The following JADE3 variants were observed in gnomAD, a reference collection of about 807,000 sequenced individuals.
JADE3 encodes the protein protein Jade-3.
In JADE3, 2 loss-of-function variants were observed where a neutral mutation model predicts 50.1. The observed-to-expected ratio is 0.04, with a 90% CI of 0.02 to 0.13. JADE3 has a LOEUF of 0.13. Ranked by LOEUF, JADE3 falls within the 10% of genes least tolerant of loss-of-function variation. JADE3 has a pLI of 1.00. For synonymous variants in JADE3, 218 were observed against 232.9 expected, an observed-to-expected ratio of 0.94 and a Z score of 0.58; for missense variants, 475 against 634.4, an observed-to-expected ratio of 0.75 and a Z score of 2.70.
intron 8 of JADE3, among the ~76,000 whole-genome samples, chrX:47,048,761 T>C (rs1330437724): frequency 8.9e-6 from 1 of 111,874 alleles, no homozygotes; most frequent in Non-Finnish European, 1.9e-5. Flanking sequence ...GTAGTGGCAA[T>C]GGTTGCATGA....
At chrX:47,010,559 T>A (rs1556361369) in intron 4 of JADE3, among the ~76,000 whole-genome samples, 1 of 112,264 alleles carries the variant, frequency 8.9e-6, no homozygotes. Context: ...ACCATAAAAT[T>A]CACCCTTTTA....
rs782505786 is a variant in JADE3, at chrX:46,973,176, A to T, written c.-11-11708A>T. On this transcript the variant is annotated intron_variant, in intron 1 of 10. Coordinates refer to ENST00000614628, the MANE Select transcript of JADE3 (RefSeq NM_014735.5). ...ACAAGTCTTTATATTAAAGAGGGTAAGCCTGGTTCCTGGTGACAGAGATAA... is the reference window on the plus strand; with the variant it reads ...ACAAGTCTTTATATTAAAGAGGGTATGCCTGGTTCCTGGTGACAGAGATAA... 7.4e-4 allele frequency among the ~76,000 whole-genome samples: 83 copies of T among 112,713 alleles called. 1 individual carries two copies. Among genetic ancestry groups the T allele is most frequent in the Admixed American group, 5.4e-3 (58 of 10,684 alleles).
At chrX:46,995,941 T>A (rs1928118825) in intron 3 of JADE3, among the ~76,000 whole-genome samples, 1 of 112,496 alleles carries the variant, frequency 8.9e-6, no homozygotes, top group Admixed American at 9.4e-5. Context: ...GAAGGAAAAA[T>A]TATAATAGTC....
intron 5 of JADE3, 59 bp downstream of exon 5, chrX:47,024,973 C>G (rs1466565885): frequency 1.6e-6 from 1 of 625,123 alleles, no homozygotes; most frequent in Non-Finnish European, 2.4e-6. Flanking sequence ...TTTAAGTTAT[C>G]AGAACCCTTT....
At chrX:46,921,454 TC>T (rs1556337734) in intron 1 of JADE3, among the ~76,000 whole-genome samples, 1 of 111,411 alleles carries the variant, frequency 9.0e-6, no homozygotes, top group African/African-American at 3.3e-5. Flanking sequence ...TGGAAAGCAT[TC>T]CATCTCTCAC....
intron 8 of JADE3, among the ~76,000 whole-genome samples, chrX:47,051,387 A>G (rs1176103695): frequency 1.8e-5 from 2 of 112,390 alleles, no homozygotes; most frequent in East Asian, 2.8e-4. Flanking sequence ...CATATGTAAG[A>G]ATTAACACTT....
At chrX:46,972,335 A>G (rs1927516579) in intron 1 of JADE3, among the ~76,000 whole-genome samples, 1 of 110,452 alleles carries the variant, frequency 9.1e-6, no homozygotes, top group East Asian at 2.9e-4. Flanking sequence ...AGCTGGGATT[A>G]TAGGCATTCA....
At chrX:46,979,205 G>A (rs1238060011) in intron 1 of JADE3, among the ~76,000 whole-genome samples, 1 of 112,266 alleles carries the variant, frequency 8.9e-6, no homozygotes, top group African/African-American at 3.2e-5. Flanking sequence ...AGTTGTTACT[G>A]TAATTGTTTT....
At chrX:46,987,159 G>C (rs1263068275) in intron 3 of JADE3, among the ~76,000 whole-genome samples, 2 of 112,275 alleles carry the variant, frequency 1.8e-5, no homozygotes, top group Non-Finnish European at 3.8e-5. Context: ...AAGGACTGAG[G>C]TTTCTGTTTT....
chrX:46,919,363 A>G (rs782401460), intron 1 of JADE3, among the ~76,000 whole-genome samples: 1 of 112,591 alleles, frequency 8.9e-6, no homozygotes, highest in South Asian at 3.6e-4. Flanking sequence ...CACTTAAGAG[A>G]TGAAAGAAAC....
chrX:47,032,941 C>G (rs1929052558), intron 6 of JADE3, among the ~76,000 whole-genome samples: 3 of 111,440 alleles, frequency 2.7e-5, no homozygotes. Context: ...AAAAGGGAGT[C>G]TAGAATGTTT....
intron 4 of JADE3, among the ~76,000 whole-genome samples, chrX:47,017,835 G>A (rs782116460): frequency 2.7e-5 from 3 of 111,534 alleles, no homozygotes; most frequent in Non-Finnish European, 5.6e-5. Context: ...ATATACAACT[G>A]TCAATTCAAC....
chrX:46,994,524 C>G (rs781880054), intron 3 of JADE3, among the ~76,000 whole-genome samples: 3 of 111,768 alleles, frequency 2.7e-5, no homozygotes, highest in Admixed American at 9.5e-5. Flanking sequence ...CATCTAGATC[C>G]CTCCTTCATT....
intron 1 of JADE3, among the ~76,000 whole-genome samples, chrX:46,913,944 C>T (rs187086009): frequency 9.1e-6 from 1 of 110,412 alleles, no homozygotes; most frequent in Non-Finnish European, 1.9e-5. Flanking sequence ...GGATGAGATT[C>T]CCCCCTCCCG....
chrX:47,046,757 C>T (rs1424679634), intron 8 of JADE3, among the ~76,000 whole-genome samples: 2 of 112,185 alleles, frequency 1.8e-5, no homozygotes, highest in African/African-American at 6.5e-5. Context: ...TCAGTTGAAA[C>T]GATCATACGG....
intron 4 of JADE3, among the ~76,000 whole-genome samples, chrX:47,003,891 A>C (rs1188620052): frequency 9.8e-6 from 1 of 101,939 alleles, no homozygotes; most frequent in Non-Finnish European, 2.0e-5. Flanking sequence ...TTTATATATA[A>C]ATTTATTATA....
chrX:47,002,772 A>G (rs903668516), intron 4 of JADE3, among the ~76,000 whole-genome samples: 1 of 109,455 alleles, frequency 9.1e-6, no homozygotes, highest in African/African-American at 3.3e-5. Flanking sequence ...TTCCTTTCCA[A>G]TCTGTTTACT....
At chrX:46,992,738 A>G (rs1432470941) in intron 3 of JADE3, among the ~76,000 whole-genome samples, 2 of 111,900 alleles carry the variant, frequency 1.8e-5, no homozygotes, top group Non-Finnish European at 3.8e-5. Flanking sequence ...TGCAATATAA[A>G]TTACCCCTTT....
In JADE3 at chrX:46,962,183, A is replaced by G. The variant is rs1197347014; in HGVS notation, c.-11-22701A>G. Reference sequence around the variant, plus strand: ...GCCTCACCACTCTAGTCACATATGCAGGGGTAGGAATCCTGCCTCTTAGGC... The same window carrying G: ...GCCTCACCACTCTAGTCACATATGCGGGGGTAGGAATCCTGCCTCTTAGGC... On this transcript the variant is annotated intron_variant, in intron 1 of 10. Coordinates refer to ENST00000614628, the MANE Select transcript of JADE3 (RefSeq NM_014735.5). 2.7e-5 allele frequency among the ~76,000 whole-genome samples: 3 copies of G among 111,594 alleles called. No homozygotes were observed. The Admixed American group carries it at 2.9e-4, about 11-fold the overall frequency.
Sources: allele counts gnomAD v4.1 joint callset (sites outside exome capture counted in the v4.1 genomes callset), GRCh38; gene constraint gnomAD v4.1.1; transcripts MANE v1.5; gene names NCBI Gene and HGNC (gene_info 2026-07-23, HGNC 2026-07-21).